C10orf143: variants seen among roughly 807,000 people sequenced by gnomAD.
C10orf143 encodes chromosome 10 open reading frame 143.
intron 4 of C10orf143, among the ~76,000 whole-genome samples, chr10:130,035,590 A>T (rs1860536216): frequency 6.6e-6 from 1 of 152,038 alleles, no homozygotes; most frequent in Non-Finnish European, 1.5e-5. Context: ...TTGCCCCCTC[A>T]CTGCTTACTC....
chr10:130,091,462 A>C (rs1861381353), intron 1 of C10orf143, among the ~76,000 whole-genome samples: 1 of 152,216 alleles, frequency 6.6e-6, no homozygotes, highest in African/African-American at 2.4e-5. Context: ...ATGAGGAAAA[A>C]CCAGCACAAA....
intron 3 of C10orf143, among the ~76,000 whole-genome samples, chr10:130,046,875 C>G (rs565517028): frequency 3.3e-5 from 5 of 152,378 alleles, no homozygotes; most frequent in Admixed American, 1.3e-4. Flanking sequence ...CCTGACCTTT[C>G]TGGGGGTGAC....
At chr10:130,069,675 A>T (rs1009577875) in intron 3 of C10orf143, among the ~76,000 whole-genome samples, 3 of 152,136 alleles carry the variant, frequency 2.0e-5, no homozygotes, top group Non-Finnish European at 4.4e-5. Flanking sequence ...CAGTGGCATA[A>T]TCATAGCTCA....
Position 130,048,192 on chromosome 10 carries a change from GAT to G in C10orf143, c.298-12224_298-12223del, listed in dbSNP as rs1860698365. Among the ~76,000 whole-genome samples, 2 of 152,298 alleles carry G rather than the reference GAT, an allele frequency of 1.3e-5. 1 individual carries two copies. Among genetic ancestry groups the G allele is most frequent in the East Asian group, 3.9e-4 (2 of 5,162 alleles). On this transcript the variant is annotated intron_variant and NMD_transcript_variant, in intron 3 of 5. Coordinates refer to the C10orf143 transcript ENST00000643056. ...ACAGCAGGCTTGCCAGCCCTCTGTG[GAT>G]ATATGACGGCTGTCTGGGGGTCAGC...
rs150931821 is a variant in C10orf143, at chr10:130,073,397, G to C, written c.297+6169C>G. Among the ~76,000 whole-genome samples the C allele has an allele frequency of 3.3e-3, 504 of 152,188 alleles. 6 individuals are homozygous for C. The highest frequency in any genetic ancestry group is 0.012 in the African/African-American group (479 of 41,500). ...TTTTAGGGTACAATCAGATCTTCAG[G>C]CTCTAAACTTTATGCAAGGATCCAA... On this transcript the variant is annotated intron_variant, in intron 3 of 3. Coordinates refer to ENST00000637128, the MANE Select transcript of C10orf143 (RefSeq NM_001355042.2).
chr10:130,106,407 C>T (rs750027918), intron 1 of C10orf143: 6 of 1,602,756 alleles, frequency 3.7e-6, no homozygotes, highest in Admixed American at 1.7e-5. Flanking sequence ...GAGAAGGCGG[C>T]AGCAGAAGCA....
At chr10:130,036,617 G>A (rs960089182) in intron 3 of C10orf143, among the ~76,000 whole-genome samples, 1 of 152,214 alleles carries the variant, frequency 6.6e-6, no homozygotes, top group African/African-American at 2.4e-5. Context: ...GTTCCTGTAA[G>A]CGTCCTGCGT....
rs140538908 is a variant in C10orf143, at chr10:130,099,510, TTTTATTTATTTATTTATTTA to T, written c.69+11174_69+11193del. Among the ~76,000 whole-genome samples, 466 of 148,636 alleles carry T rather than the reference TTTTATTTATTTATTTATTTA, an allele frequency of 3.1e-3. 1 individual carries two copies. Among genetic ancestry groups the T allele is most frequent in the African/African-American group, 0.011 (435 of 40,292 alleles). Reference sequence around the variant, plus strand: ...TTAACTCTGAATCTTCTTCTTTTATTTTTATTTATTTATTTATTTATTTATTTATTTATTTATTTATTTTG... The same window carrying T: ...TTAACTCTGAATCTTCTTCTTTTATTTTTATTTATTTATTTATTTATTTTG... On this transcript the variant is annotated intron_variant, in intron 1 of 3. Transcript: ENST00000637128.
At chr10:130,103,999 A>G (rs143626734) in intron 1 of C10orf143, 1 of 152,376 alleles carries the variant, frequency 6.6e-6, no homozygotes, top group African/African-American at 2.4e-5. Context: ...CTAAGTGGAC[A>G]TGAATCTTTA....
intron 3 of C10orf143, among the ~76,000 whole-genome samples, chr10:130,043,464 G>GC: frequency 6.6e-6 from 1 of 152,194 alleles, no homozygotes; most frequent in South Asian, 2.1e-4. Flanking sequence ...AAAAAGCCCC[G>GC]CCCCTCTGTA....
intron 3 of C10orf143, among the ~76,000 whole-genome samples, chr10:130,075,225 G>A (rs1861096057): frequency 6.6e-6 from 1 of 152,164 alleles, no homozygotes; most frequent in Non-Finnish European, 1.5e-5. Context: ...CTACCCGTTT[G>A]AGTAATAAAA....
At chr10:130,077,886 T>A (rs1211787017) in intron 3 of C10orf143, among the ~76,000 whole-genome samples, 1 of 152,194 alleles carries the variant, frequency 6.6e-6, no homozygotes, top group East Asian at 1.9e-4. Flanking sequence ...TTTATTTACA[T>A]TAGACTTTCA....
rs1861561793 is a variant in C10orf143, at chr10:130,101,876, A to AAAC, written c.69+8827_69+8828insGTT. Among the ~76,000 whole-genome samples the AAAC allele has an allele frequency of 1.3e-5, 2 of 149,978 alleles. 1 individual carries two copies. Among genetic ancestry groups the AAAC allele is most frequent in the African/African-American group, 4.9e-5 (2 of 40,556 alleles). ...AAAAAAAAAAAAACCAAAAAAAAAA[A>AAAC]AAAAAAAAACTTTTTCAGAATATAG... On this transcript the variant is annotated intron_variant, in intron 1 of 3. Coordinates refer to ENST00000637128, the MANE Select transcript of C10orf143 (RefSeq NM_001355042.2).
intron 1 of C10orf143, among the ~76,000 whole-genome samples, chr10:130,091,792 C>T (rs545966262): frequency 1.4e-4 from 21 of 151,426 alleles, no homozygotes; most frequent in Non-Finnish European, 2.5e-4. Context: ...ACAGCCAAAT[C>T]GACCAAGCCA....
rs1408405919 is a variant in C10orf143, at chr10:130,101,869, A to C, written c.69+8835T>G. ...TGTCTCAAAAAAAAAAAAAACCAAA[A>C]AAAAAAAAAAAAAAAACTTTTTCAG... On this transcript the variant is annotated intron_variant, in intron 1 of 3. Coordinates refer to ENST00000637128, the MANE Select transcript of C10orf143 (RefSeq NM_001355042.2). Among the ~76,000 whole-genome samples the C allele has an allele frequency of 6.1e-5, 8 of 131,960 alleles. 1 individual carries two copies. Among genetic ancestry groups the C allele is most frequent in the Non-Finnish European group, 7.5e-5 (5 of 67,108 alleles). The allele number at this position is 131,960 out of a possible 152,430, so 86.6% of individuals were successfully genotyped here. A position where few individuals can be genotyped will look rare whatever the true frequency, so the allele number is the denominator to read the frequency against.
At chr10:130,053,004 G>A (rs529546816) in intron 3 of C10orf143, among the ~76,000 whole-genome samples, 1 of 152,288 alleles carries the variant, frequency 6.6e-6, no homozygotes, top group Non-Finnish European at 1.5e-5. Context: ...GAGGAACTAT[G>A]GGCAGGCAGT....
At chr10:130,078,277 G>A (rs958563475) in intron 3 of C10orf143, among the ~76,000 whole-genome samples, 15 of 152,038 alleles carry the variant, frequency 9.9e-5, no homozygotes, top group African/African-American at 2.9e-4. Flanking sequence ...TACATTCCAA[G>A]TGTTTGCTTC....
At chr10:130,068,773 C>T (rs1167870491) in intron 3 of C10orf143, among the ~76,000 whole-genome samples, 4 of 151,328 alleles carry the variant, frequency 2.6e-5, no homozygotes, top group East Asian at 1.9e-4. Context: ...AACTCATTAA[C>T]GGGGATCAAC....
intron 3 of C10orf143, among the ~76,000 whole-genome samples, chr10:130,057,437 C>T (rs1178397243): frequency 2.0e-5 from 3 of 152,138 alleles, no homozygotes; most frequent in Non-Finnish European, 2.9e-5. Context: ...ACCAAGATGC[C>T]GAAGACTTGA....
Sources: gnomAD v4.1 joint callset for allele counts (sites outside exome capture counted in the v4.1 genomes callset) on GRCh38, gnomAD v4.1.1 for gene constraint, MANE v1.5 for transcripts, NCBI Gene and HGNC (gene_info 2026-07-23, HGNC 2026-07-21) for gene names.